ALG1L2: variants seen among roughly 807,000 people sequenced by gnomAD.
ALG1L2 encodes the protein ALG1 chitobiosyldiphosphodolichol beta-mannosyltransferase like 2.
In ALG1L2, 32 loss-of-function variants were observed where a neutral mutation model predicts 29.0. The ratio of observed to expected loss-of-function variants is 1.10; its 90% CI spans 0.83 to 1.48. The LOEUF (loss-of-function observed/expected upper bound fraction) is 1.48, where lower values mean the gene tolerates loss of function less well. ALG1L2 is among the 40% of genes most tolerant of loss of function. The pLI is 0.00. For synonymous variants in ALG1L2, 110 were observed against 109.5 expected (o/e 1.00, Z -0.03); for missense variants, 318 against 274.1 (o/e 1.16, Z -1.13).
intron 3 of ALG1L2, 46 bp from the exon 4 acceptor site, chr3:130,093,055 T>TAAAAAA: frequency 8.4e-7 from 1 of 1,197,092 alleles, no homozygotes; most frequent in Non-Finnish European, 1.1e-6. Context: ...AAAAAAAAAA[T>TAAAAAA]TAAATCAGAA....
chr3:130,089,333 C>G (rs893236047), intron 1 of ALG1L2: 25 of 152,440 alleles, frequency 1.6e-4, no homozygotes, highest in African/African-American at 6.0e-4. Flanking sequence ...ATCCCAGGTG[C>G]CCCCCTCTGC....
intron 5 of ALG1L2, among the ~76,000 whole-genome samples, chr3:130,095,591 G>T (rs1935112734): frequency 6.6e-6 from 1 of 151,284 alleles, no homozygotes; most frequent in South Asian, 2.1e-4. Context: ...CACCTGCCAT[G>T]ACGCTTCGCT....
Position 130,086,531 on chromosome 3 carries a change from G to A in ALG1L2, c.20+4495G>A, listed in dbSNP as rs1457323844. Among the ~76,000 whole-genome samples, 6 of 149,932 alleles carry A rather than the reference G, an allele frequency of 4.0e-5. 1 individual carries two copies. Among genetic ancestry groups the A allele is most frequent in the Middle Eastern group, 3.4e-3 (1 of 292 alleles). On this transcript the variant is annotated intron_variant, in intron 1 of 7. Transcript: ENST00000425059. ...CAACTAAACTAAATAAAATAAATTA[G>A]CCAGGTGCAGTGGTGCACACCTGTA...
chr3:130,096,868 C>T (rs1246567656), intron 6 of ALG1L2, among the ~76,000 whole-genome samples: 4 of 152,278 alleles, frequency 2.6e-5, no homozygotes, highest in African/African-American at 9.6e-5. Context: ...TTACTTGTTC[C>T]TTGGCCATGG....
At chr3:130,086,332 G>T (rs116184754) in intron 1 of ALG1L2, among the ~76,000 whole-genome samples, 1 of 144,500 alleles carries the variant, frequency 6.9e-6, no homozygotes, top group Non-Finnish European at 1.6e-5. Flanking sequence ...CACCTTCACA[G>T]AAATTATTCC....
chr3:130,097,809 A>G (rs1935175719), intron 7 of ALG1L2, among the ~76,000 whole-genome samples: 1 of 152,170 alleles, frequency 6.6e-6, no homozygotes, highest in Non-Finnish European at 1.5e-5. Context: ...GTTCCAATAA[A>G]GCTTTATTTA....
intron 3 of ALG1L2, among the ~76,000 whole-genome samples, chr3:130,092,813 C>A (rs1935046261): frequency 6.6e-6 from 1 of 152,138 alleles, no homozygotes; most frequent in South Asian, 2.1e-4. Context: ...GGCAGATCAC[C>A]TGAGGTCAGG....
chr3:130,087,092 C>G (rs1161530033), intron 1 of ALG1L2, among the ~76,000 whole-genome samples: 1 of 148,466 alleles, frequency 6.7e-6, no homozygotes, highest in African/African-American at 2.4e-5. Flanking sequence ...TTAACCAGAG[C>G]GAGTATGGCT....
intron 1 of ALG1L2, chr3:130,090,855 G>A (rs1224812747): frequency 1.0e-5 from 2 of 199,604 alleles, no homozygotes; most frequent in Admixed American, 1.1e-4. Flanking sequence ...GTTCTCAGGT[G>A]TCTAACTGCT....
intron 1 of ALG1L2, among the ~76,000 whole-genome samples, chr3:130,087,828 A>G (rs1245785723): frequency 1.0e-5 from 1 of 99,320 alleles, no homozygotes; most frequent in Non-Finnish European, 2.5e-5. Context: ...CAATAGGATC[A>G]TCTCAGAAGC....
chr3:130,085,998 A>T (rs1934881175), intron 1 of ALG1L2, among the ~76,000 whole-genome samples: 1 of 151,460 alleles, frequency 6.6e-6, no homozygotes, highest in South Asian at 2.1e-4. Context: ...AGTGAGGCAG[A>T]CGAGGAACAC....
At position 130,083,405 on chromosome 3, in the gene ALG1L2, T is replaced by G. The variant is rs1382410300; in HGVS notation, c.20+1369T>G. Among the ~76,000 whole-genome samples, 9 of 128,168 alleles carry G rather than the reference T, an allele frequency of 7.0e-5. 2 individuals are homozygous for G. The highest frequency in any genetic ancestry group is 4.8e-3 in the Middle Eastern group (1 of 208). The allele number at this position is 128,168 out of a possible 152,430, so 84.1% of individuals were successfully genotyped here. A position where few individuals can be genotyped will look rare whatever the true frequency, so the allele number is the denominator to read the frequency against. On this transcript the variant is annotated intron_variant, in intron 1 of 7. Coordinates refer to ENST00000425059, the MANE Select transcript of ALG1L2 (RefSeq NM_001136152.1). ...GTTGCAGTGAGCTGAGATCTCACCCTGCACTCCAGCCTGGGCAAGAGAGCA... is the reference window on the plus strand; with the variant it reads ...GTTGCAGTGAGCTGAGATCTCACCCGGCACTCCAGCCTGGGCAAGAGAGCA...
Position 130,098,216 on chromosome 3 carries a change from T to C in ALG1L2, c.616-7T>C, listed in dbSNP as rs759884737. 3.7e-5 allele frequency: 59 copies of C among 1,596,298 alleles called. No homozygotes were observed. The East Asian group carries it at 1.3e-3, about 35-fold the overall frequency. On this transcript the variant is annotated splice_polypyrimidine_tract_variant and splice_region_variant and intron_variant, in intron 7 of 7. Coordinates refer to ENST00000425059, the MANE Select transcript of ALG1L2 (RefSeq NM_001136152.1). ...GGACAGGCAATGAGGTAAGCTCTGCTCTTCAGTATTTTGCAGATGCTTTTC... is the reference window on the plus strand; with the variant it reads ...GGACAGGCAATGAGGTAAGCTCTGCCCTTCAGTATTTTGCAGATGCTTTTC...
intron 1 of ALG1L2, among the ~76,000 whole-genome samples, chr3:130,087,226 A>C (rs1404535405): frequency 1.3e-5 from 2 of 150,782 alleles, no homozygotes; most frequent in African/African-American, 2.4e-5. Flanking sequence ...CACAGAGAAC[A>C]TGACACCATT....
chr3:130,086,280 T>C (rs1188582930), intron 1 of ALG1L2, among the ~76,000 whole-genome samples: 1 of 150,844 alleles, frequency 6.6e-6, no homozygotes, highest in Non-Finnish European at 1.5e-5. Context: ...AGATAAGCAA[T>C]AGATAAACAA....
intron 1 of ALG1L2, among the ~76,000 whole-genome samples, chr3:130,085,677 C>A (rs1253243339): frequency 6.6e-6 from 1 of 151,706 alleles, no homozygotes; most frequent in African/African-American, 2.4e-5. Context: ...TCCAAGAAGT[C>A]TTTTGTGGGA....
rs569853439 is a variant in ALG1L2, at chr3:130,087,222, GA to G, written c.21-4037del. ...TGTCCCTCCTGATGCAATGCACAGA[GA>G]ACATGACACCATTGCTGTGATAGTC... On this transcript the variant is annotated intron_variant, in intron 1 of 7. Coordinates refer to ENST00000425059, the MANE Select transcript of ALG1L2 (RefSeq NM_001136152.1). Among the ~76,000 whole-genome samples the G allele has an allele frequency of 3.3e-5, 5 of 149,814 alleles. No individual in the cohort carries two copies. The East Asian group carries it at 9.7e-4, about 29-fold the overall frequency.
At chr3:130,086,745 T>C (rs1303751090) in intron 1 of ALG1L2, among the ~76,000 whole-genome samples, 1 of 138,560 alleles carries the variant, frequency 7.2e-6, no homozygotes, top group Non-Finnish European at 1.7e-5. Context: ...AATTGCTCTG[T>C]TTTAGATGAA....
Position 130,082,649 on chromosome 3 carries a change from T to G in ALG1L2, c.20+613T>G, listed in dbSNP as rs1934812833. Among the ~76,000 whole-genome samples, 3 of 145,144 alleles carry G rather than the reference T, an allele frequency of 2.1e-5. No homozygotes were observed. In the South Asian group the frequency reaches 6.6e-4, roughly 32 times the overall value. On this transcript the variant is annotated intron_variant, in intron 1 of 7. Transcript: ENST00000425059. ...CCCTGCAGCCAGTCTGAATCTATGT[T>G]TTATCAGTGAAATCCAATGGGGCAA...
Sources: gnomAD v4.1 joint callset for allele counts (sites outside exome capture counted in the v4.1 genomes callset) on GRCh38, gnomAD v4.1.1 for gene constraint, MANE v1.5 for transcripts, NCBI Gene and HGNC (gene_info 2026-07-23, HGNC 2026-07-21) for gene names.